ABCA12: variants seen among roughly 807,000 people sequenced by gnomAD.
The protein encoded by ABCA12 is glucosylceramide transporter ABCA12.
ABCA12 carries 156 observed loss-of-function variants against 293.5 expected under a neutral mutation model. That is an observed-to-expected ratio of 0.53 (90% confidence interval 0.47 to 0.61). The LOEUF (loss-of-function observed/expected upper bound fraction) is 0.61. Among genes scored for constraint, ABCA12 ranks in the 20% least tolerant of loss-of-function variants. The probability of loss-of-function intolerance (pLI) is 0.00; values close to 1 mark genes in which losing one functional copy is unlikely to be tolerated. For missense variants in ABCA12, 2,797 were observed against 3,090.2 expected, an observed-to-expected ratio of 0.91 and a Z score of 2.25; for synonymous variants, 1,063 against 1,108.0, an observed-to-expected ratio of 0.96 and a Z score of 0.81.
chr2:215,028,860 T>G (rs1700808678), intron 9 of ABCA12, among the ~76,000 whole-genome samples: 1 of 152,144 alleles, frequency 6.6e-6, no homozygotes, highest in African/African-American at 2.4e-5. Context: ...ACCAATATAC[T>G]CACAGCACTT....
chr2:214,980,036 AACCCATG>A (rs1047260238), intron 31 of ABCA12, among the ~76,000 whole-genome samples: 1 of 152,216 alleles, frequency 6.6e-6, no homozygotes, highest in Non-Finnish European at 1.5e-5. Flanking sequence ...TCAGAATGTG[AACCCATG>A]ACTTCATATT....
In ABCA12 at chr2:215,111,525, C is replaced by A. The variant is rs144574003; in HGVS notation, c.163+72G>T. On this transcript the variant is annotated intron_variant, in intron 2 of 52. Coordinates refer to ENST00000272895, the MANE Select transcript of ABCA12 (RefSeq NM_173076.3). ...AAAAAAAAATTTTTGAAATGAAACACTAAAGTGGTACCAAAATAAATTTTA... is the reference window on the plus strand; with the variant it reads ...AAAAAAAAATTTTTGAAATGAAACAATAAAGTGGTACCAAAATAAATTTTA... 6.8e-4 allele frequency: 871 copies of A among 1,288,358 alleles called. 4 individuals are homozygous for A. The African/African-American group carries it at 9.5e-3, about 14-fold the overall frequency. The allele number at this position is 1,288,358 out of a possible 1,614,324, so 79.8% of individuals were successfully genotyped here.
At chr2:215,126,054 A>G (rs1192359990) in intron 1 of ABCA12, among the ~76,000 whole-genome samples, 1 of 152,128 alleles carries the variant, frequency 6.6e-6, no homozygotes, top group Non-Finnish European at 1.5e-5. Flanking sequence ...TAAGATGATC[A>G]TGTGATTTTT....
At chr2:215,019,492 T>C (rs1700577403) in intron 12 of ABCA12, 44 bp from the exon 13 acceptor site, 3 of 1,613,188 alleles carry the variant, frequency 1.9e-6, no homozygotes, top group East Asian at 4.5e-5. Flanking sequence ...AGTATTTCAA[T>C]ATTTTGAAAG....
chr2:215,041,873 C>A (rs1701108782), intron 7 of ABCA12, among the ~76,000 whole-genome samples: 1 of 152,170 alleles, frequency 6.6e-6, no homozygotes, highest in South Asian at 2.1e-4. Context: ...CATGGATGAA[C>A]CCTGAAGACA....
At chr2:214,945,180 T>G in intron 48 of ABCA12, 76 bp from the exon 49 acceptor site, 2 of 1,147,710 alleles carry the variant, frequency 1.7e-6, no homozygotes, top group Non-Finnish European at 2.6e-6. Context: ...ATTACTGCAT[T>G]TCACTTCCCT....
intron 2 of ABCA12, among the ~76,000 whole-genome samples, chr2:215,072,055 T>C (rs972676056): frequency 6.6e-6 from 1 of 152,168 alleles, no homozygotes; most frequent in African/African-American, 2.4e-5. Context: ...AGGTAGACTG[T>C]AGGTGGTAAT....
intron 29 of ABCA12, 58 bp downstream of exon 29, chr2:214,983,589 A>T: frequency 6.8e-7 from 1 of 1,461,274 alleles, no homozygotes. Context: ...TTACCAACCA[A>T]GCTATGGGTC....
intron 1 of ABCA12, among the ~76,000 whole-genome samples, chr2:215,117,102 T>G (rs1031180912): frequency 6.6e-6 from 1 of 152,226 alleles, no homozygotes; most frequent in African/African-American, 2.4e-5. Context: ...AATTTCAAAT[T>G]GTTCTAGAAA....
At chr2:215,119,619 T>A (rs535607223) in intron 1 of ABCA12, among the ~76,000 whole-genome samples, 1 of 152,014 alleles carries the variant, frequency 6.6e-6, no homozygotes, top group Non-Finnish European at 1.5e-5. Context: ...TGGTTGTGAG[T>A]ATGTCGCTTT....
intron 8 of ABCA12, among the ~76,000 whole-genome samples, chr2:215,035,438 G>T (rs1319802855): frequency 6.6e-6 from 1 of 152,082 alleles, no homozygotes; most frequent in Non-Finnish European, 1.5e-5. Context: ...GGGAGGCTGA[G>T]GTGGGTGGAT....
intron 44 of ABCA12, among the ~76,000 whole-genome samples, chr2:214,952,773 A>G (rs1467737315): frequency 6.6e-6 from 1 of 152,230 alleles, no homozygotes; most frequent in Non-Finnish European, 1.5e-5. Context: ...AAGAGATTCC[A>G]TAATCTCCCA....
At position 214,983,738 on chromosome 2, in the gene ABCA12, T is replaced by G; in HGVS notation, c.4291A>C (p.Ser1431Arg). 6.2e-7 allele frequency: 1 copy of G among 1,614,172 alleles called. No homozygotes were observed. Among genetic ancestry groups the G allele is most frequent in the Non-Finnish European group, 8.5e-7 (1 of 1,179,996 alleles). ...AGGTGCTCCTTAGTAGTGAGGTAAC[T>G]GAACAAGACGTCGTGCTGCATACAG... ...GVCMQHDVLF[S>R]YLTTKEHLLL... Residue 1431 changes from serine to arginine, a missense_variant, in exon 29 of 53, where the codon AGT becomes CGT. This residue lies in a region of ABCA12 where 2,130 missense variants were observed against 2,427.0 expected (regional missense o/e 0.88). Transcript: ENST00000272895.
In ABCA12 at chr2:215,026,824, T is replaced by G; in HGVS notation, c.1176A>C (p.Ser392=). The G allele has an allele frequency of 5.0e-6, 8 of 1,599,338 alleles. No individual in the cohort carries two copies. Among genetic ancestry groups the G allele is most frequent in the Non-Finnish European group, 6.0e-6 (7 of 1,166,634 alleles). Residue 392 remains serine (S), a synonymous_variant, in exon 10 of 53, where the codon TCA becomes TCC. Transcript: ENST00000272895. ...GACTGTTAAGAACAGTATTACCTGG[T>G]GAACCTCTGGCCAAACTGTCAGTCA... ...RNVTDSLARG[S]PENLRLLQST...
chr2:214,990,708 C>T lies in ABCA12; in HGVS notation c.3618G>A (p.Val1206=). The change falls in exon 24 of 53, where the codon GTG becomes GTA. Residue 1206 remains valine (V), a synonymous_variant. Coordinates refer to ENST00000272895, the MANE Select transcript of ABCA12 (RefSeq NM_173076.3). ...ATTCCAACGGTTGACTTACCATGAA[C>T]ACTTTCAATACATAGCTCAACTCAT... ...VENELSYVLK[V]FMSLLSPTAF... 7 of 1,613,934 alleles carry T rather than the reference C, an allele frequency of 4.3e-6. No individual in the cohort carries two copies. The highest frequency in any genetic ancestry group is 5.9e-6 in the Non-Finnish European group (7 of 1,179,908).
rs1699584260 is a variant in ABCA12 at position 214,978,898 on chromosome 2, G to A, written c.4883C>T (p.Ser1628Leu). 6.2e-7 allele frequency: 1 copy of A among 1,613,952 alleles called. No homozygotes were observed. Among genetic ancestry groups the A allele is most frequent in the Admixed American group, 1.7e-5 (1 of 59,992 alleles). The stretch of plus-strand genomic sequence containing the variant: ...CCGTAGGAGTGACAGGTAGGCCCCT[G>A]AGACTTTGGTGCTGAATGGAGGAAG... ...YVLPPFSTKV[S>L]GAYLSLLRAL... The change falls in exon 32 of 53, where the codon TCA (serine) becomes TTA (leucine). Residue 1628 changes from serine (S) to leucine (L), a missense_variant. Ser to Leu is a moderately radical substitution (Grantham distance 145). Around this residue, in one of 3 missense-constraint regions of ABCA12, gnomAD observed 2,130 missense variants for 2,427.0 expected, o/e 0.88. Transcript: ENST00000272895.
chr2:215,111,199 C>G (rs150944239), intron 2 of ABCA12, among the ~76,000 whole-genome samples: 21 of 152,334 alleles, frequency 1.4e-4, no homozygotes, highest in African/African-American at 4.8e-4. Flanking sequence ...GATTTGTATA[C>G]TACTCTGGAT....
chr2:215,049,538 C>T, intron 6 of ABCA12, 88 bp downstream of exon 6: 1 of 1,313,766 alleles, frequency 7.6e-7, no homozygotes, highest in Non-Finnish European at 1.1e-6. Context: ...AACAAATATC[C>T]CAGTCAGCAT....
chr2:214,950,630 G>A (rs1161270490), intron 45 of ABCA12, among the ~76,000 whole-genome samples: 3 of 150,656 alleles, frequency 2.0e-5, no homozygotes, highest in East Asian at 1.9e-4. Flanking sequence ...TCAGCCTCCC[G>A]AGTAACTGGG....
Sources: allele counts gnomAD v4.1 joint callset (sites outside exome capture counted in the v4.1 genomes callset), GRCh38; gene constraint gnomAD v4.1.1; regional missense constraint gnomAD v4.1.1; transcripts MANE v1.5; gene names NCBI Gene and HGNC (gene_info 2026-07-23, HGNC 2026-07-21).